CDS1: variants seen among roughly 807,000 people sequenced by gnomAD.
CDS1 encodes CDP-diacylglycerol synthase 1, also known as phosphatidate cytidylyltransferase 1.
In CDS1, 41 loss-of-function variants were observed where a neutral mutation model predicts 62.1. The observed-to-expected ratio is 0.66, with a 90% CI of 0.51 to 0.86. The LOEUF (loss-of-function observed/expected upper bound fraction) is 0.86. CDS1 is among the 40% of genes least tolerant of loss of function. CDS1 has a pLI of 0.00. For missense variants in CDS1, 470 were observed against 550.1 expected, an observed-to-expected ratio of 0.85 and a Z score of 1.46; for synonymous variants, 185 against 192.6, an observed-to-expected ratio of 0.96 and a Z score of 0.32.
intron 3 of CDS1, among the ~76,000 whole-genome samples, chr4:84,617,203 T>G (rs571342690): frequency 6.6e-6 from 1 of 152,356 alleles, no homozygotes; most frequent in African/African-American, 2.4e-5. Flanking sequence ...ATGGACAGGT[T>G]GGACAAAAAG....
At position 84,633,288 on chromosome 4, in the gene CDS1, TA is replaced by T. The variant is rs1392791658; in HGVS notation, c.640-564del. The stretch of plus-strand genomic sequence containing the variant: ...AGAATTGGCAAAACACAAAGGTCTT[TA>T]AAAATTTGAAATTGAATACTGTCAT... On this transcript the variant is annotated intron_variant, in intron 6 of 12. Coordinates refer to ENST00000295887, the MANE Select transcript of CDS1 (RefSeq NM_001263.4). 5.3e-5 allele frequency among the ~76,000 whole-genome samples: 8 copies of T among 152,216 alleles called. No individual in the cohort carries two copies. In the East Asian group the frequency reaches 1.5e-3, roughly 29 times the overall value.
intron 3 of CDS1, among the ~76,000 whole-genome samples, chr4:84,611,327 T>C (rs188663311): frequency 6.6e-6 from 1 of 152,332 alleles, no homozygotes; most frequent in Admixed American, 6.5e-5. Flanking sequence ...ATCATTGTTA[T>C]TACTTTTTCT....
intron 5 of CDS1, among the ~76,000 whole-genome samples, chr4:84,624,885 C>G (rs1723808407): frequency 6.6e-6 from 1 of 151,406 alleles, no homozygotes; most frequent in African/African-American, 2.4e-5. Flanking sequence ...TTTTGAAACA[C>G]AGTCTCACTC....
At chr4:84,597,636 C>T (rs1722792826) in intron 1 of CDS1, among the ~76,000 whole-genome samples, 2 of 151,920 alleles carry the variant, frequency 1.3e-5, no homozygotes. Context: ...TCAAAAGAAA[C>T]AAAACAGTGT....
rs1357603643 is a variant in CDS1 at position 84,649,381 on chromosome 4, T to C, written c.*695T>C. Reference sequence around the variant, plus strand: ...GAAGGTCACGACCTCGCAAAAACTTTTCAAGAGCAACAAGGAAGAATTCTG... The same window carrying C: ...GAAGGTCACGACCTCGCAAAAACTTCTCAAGAGCAACAAGGAAGAATTCTG... On this transcript the variant is annotated 3_prime_UTR_variant, in exon 13 of 13. Transcript: ENST00000295887. 1 of 152,218 alleles carries C rather than the reference T, an allele frequency of 6.6e-6. No individual in the cohort carries two copies. The highest frequency in any genetic ancestry group is 1.5e-5 in the Non-Finnish European group (1 of 68,062). The allele number at this position is 152,218 out of a possible 1,614,324, so 9.4% of individuals were successfully genotyped here.
At chr4:84,640,708 TAAGAC>T (rs1390668453) in intron 9 of CDS1, 125 bp from the exon 10 acceptor site, 1 of 707,404 alleles carries the variant, frequency 1.4e-6, no homozygotes, top group African/African-American at 1.8e-5. Flanking sequence ...AGCAAAATAT[TAAGAC>T]AAAGAAATTC....
At chr4:84,593,473 A>C (rs1722652901) in intron 1 of CDS1, among the ~76,000 whole-genome samples, 1 of 151,118 alleles carries the variant, frequency 6.6e-6, no homozygotes, top group African/African-American at 2.4e-5. Context: ...CTGAGTATAC[A>C]CTCTGATCAG....
chr4:84,593,755 C>T (rs1722665431), intron 1 of CDS1, among the ~76,000 whole-genome samples: 2 of 152,214 alleles, frequency 1.3e-5, no homozygotes, highest in African/African-American at 4.8e-5. Context: ...CCACCCACCT[C>T]GGCCTCCCAA....
intron 1 of CDS1, among the ~76,000 whole-genome samples, chr4:84,597,255 A>C (rs925047596): frequency 2.6e-5 from 4 of 152,176 alleles, no homozygotes; most frequent in Non-Finnish European, 5.9e-5. Context: ...TTCAAATTAA[A>C]AAAAAATAAG....
At chr4:84,612,634 A>G (rs1256488859) in intron 3 of CDS1, among the ~76,000 whole-genome samples, 1 of 152,210 alleles carries the variant, frequency 6.6e-6, no homozygotes. Context: ...TGAAAGGAAA[A>G]TATGATCTTA....
Position 84,614,731 on chromosome 4 carries a change from T to G in CDS1, c.343-2833T>G, listed in dbSNP as rs550103226. ...CATTTTATTTGGGAATGTATATATA[T>G]TTTTTAAAAAAACAAAATTGCACTT... On this transcript the variant is annotated intron_variant, in intron 3 of 12. Coordinates refer to ENST00000295887, the MANE Select transcript of CDS1 (RefSeq NM_001263.4). 1.6e-4 allele frequency among the ~76,000 whole-genome samples: 24 copies of G among 152,324 alleles called. No individual in the cohort carries two copies. In the South Asian group the frequency reaches 5.0e-3, roughly 32 times the overall value.
chr4:84,592,727 A>G (rs1439843012), intron 1 of CDS1, among the ~76,000 whole-genome samples: 1 of 152,210 alleles, frequency 6.6e-6, no homozygotes, highest in Non-Finnish European at 1.5e-5. Flanking sequence ...TGCTTTTTGC[A>G]AACAACGCAG....
At chr4:84,611,281 C>T (rs1041991152) in intron 3 of CDS1, among the ~76,000 whole-genome samples, 1 of 152,194 alleles carries the variant, frequency 6.6e-6, no homozygotes, top group Admixed American at 6.5e-5. Flanking sequence ...GAGAGCCTGC[C>T]CTCCGGGGTG....
rs1027650103 is a variant in CDS1 at position 84,583,346 on chromosome 4, G to A, written c.-56G>A. The stretch of plus-strand genomic sequence containing the variant: ...GCGCCCCGCCTGCAGAACCCTGCTT[G>A]CAGCTCAGGTTTCGGGGTGCTTGAG... On this transcript the variant is annotated 5_prime_UTR_variant, in exon 1 of 13. Transcript: ENST00000295887. The A allele has an allele frequency of 1.5e-6, 2 of 1,303,258 alleles. No individual in the cohort carries two copies. Among genetic ancestry groups the A allele is most frequent in the African/African-American group, 3.0e-5 (2 of 66,236 alleles). 80.7% of individuals were successfully genotyped at this position (1,303,258 alleles called of 1,614,324 possible).
rs556085744 is a variant in CDS1 at position 84,621,020 on chromosome 4, A to G, written c.580+1487A>G. 2.0e-5 allele frequency among the ~76,000 whole-genome samples: 3 copies of G among 152,342 alleles called. No individual in the cohort carries two copies. In the East Asian group the frequency reaches 5.8e-4, roughly 29 times the overall value. ...GGTTGCGGTGAGCCGAGATCACACC[A>G]TTGCACTCCAGCCTGGGCAACAAGA... On this transcript the variant is annotated intron_variant, in intron 5 of 12. Transcript: ENST00000295887.
Position 84,649,672 on chromosome 4 carries a change from C to A in CDS1, c.*986C>A, listed in dbSNP as rs1012730932. On this transcript the variant is annotated 3_prime_UTR_variant, in exon 13 of 13. Coordinates refer to ENST00000295887, the MANE Select transcript of CDS1 (RefSeq NM_001263.4). ...GCCTCACTCCTGGCTTCTAGTGCAG[C>A]CCTTTGTAGACTCACCTCGCAAGAA... 6.6e-6 allele frequency: 1 copy of A among 152,214 alleles called. No homozygotes were observed. The highest frequency in any genetic ancestry group is 2.4e-5 in the African/African-American group (1 of 41,442). 9.4% of individuals were successfully genotyped at this position (152,214 alleles called of 1,614,324 possible).
At chr4:84,586,297 TTAC>T (rs1283535003) in intron 1 of CDS1, among the ~76,000 whole-genome samples, 2 of 152,170 alleles carry the variant, frequency 1.3e-5, no homozygotes, top group African/African-American at 4.8e-5. Context: ...TCTATTATTA[TTAC>T]ATTGTAATAT....
At chr4:84,640,641 AAGGTCTTTTAAGTCTTTTACT>A (rs1724350407) in intron 9 of CDS1, among the ~76,000 whole-genome samples, 176 bp from the exon 10 acceptor site, 1 of 152,134 alleles carries the variant, frequency 6.6e-6, no homozygotes, top group African/African-American at 2.4e-5. Flanking sequence ...TTTTTTTCTA[AAGGTCTTTTAAGTCTTTTACT>A]AGGATAATTA....
chr4:84,637,323 T>C (rs941804912), intron 8 of CDS1, among the ~76,000 whole-genome samples: 3 of 152,136 alleles, frequency 2.0e-5, no homozygotes, highest in African/African-American at 4.8e-5. Context: ...TATAAAGAAA[T>C]GCCAGAGCTT....
Sources: allele counts gnomAD v4.1 joint callset (sites outside exome capture counted in the v4.1 genomes callset), GRCh38; gene constraint gnomAD v4.1.1; transcripts MANE v1.5; gene names NCBI Gene and HGNC (gene_info 2026-07-23, HGNC 2026-07-21).